EIF2AK4: variants seen among roughly 807,000 people sequenced by gnomAD.
The protein encoded by EIF2AK4 is eIF-2-alpha kinase GCN2.
In EIF2AK4, 139 loss-of-function variants were observed where a neutral mutation model predicts 211.1. The ratio of observed to expected loss-of-function variants is 0.66; its 90% CI spans 0.57 to 0.76. The LOEUF is 0.76. Ranked by LOEUF, EIF2AK4 falls within the 30% of genes least tolerant of loss-of-function variation. The pLI, the probability that EIF2AK4 is intolerant of heterozygous loss-of-function variation, is 0.00. For missense variants in EIF2AK4, 1,664 were observed against 2,043.8 expected (o/e 0.81, Z 3.58); for synonymous variants, 710 against 751.3 (o/e 0.94, Z 0.90).
chr15:39,934,549 C>T (rs1471822345), intron 1 of EIF2AK4, among the ~76,000 whole-genome samples: 1 of 152,212 alleles, frequency 6.6e-6, no homozygotes, highest in African/African-American at 2.4e-5. Flanking sequence ...GTCCTTTCCC[C>T]ATGATTTCCC....
chr15:39,976,722 G>T lies in EIF2AK4; in HGVS notation c.2127G>T (p.Val709=). ...CGCCACCCATCCTCAGCAGCTCGGT[G>T]GAGTGGAGCACTTCGGGCGAGCGCT... ...AAPPPILSSS[V]EWSTSGERSA... The change falls in exon 12 of 39, where the codon GTG becomes GTT. Residue 709 remains valine (V), a synonymous_variant. Coordinates refer to ENST00000263791, the MANE Select transcript of EIF2AK4 (RefSeq NM_001013703.4). The T allele has an allele frequency of 6.2e-7, 1 of 1,602,948 alleles. No individual in the cohort carries two copies.
chr15:39,977,299 C>T (rs118058246), intron 12 of EIF2AK4: 1 of 155,612 alleles, frequency 6.4e-6, no homozygotes, highest in Non-Finnish European at 1.4e-5. Flanking sequence ...AACTGTTCCA[C>T]CTTACATCAT....
At chr15:40,033,070 A>G (rs1044328608) in intron 37 of EIF2AK4, among the ~76,000 whole-genome samples, 3 of 152,230 alleles carry the variant, frequency 2.0e-5, no homozygotes, top group Non-Finnish European at 2.9e-5. Context: ...TGCTTTTACT[A>G]TGTGTCAGGG....
chr15:39,939,694 A>C (rs1595539512), intron 2 of EIF2AK4, 77 bp downstream of exon 2: 1 of 1,216,066 alleles, frequency 8.2e-7, no homozygotes, highest in East Asian at 2.5e-5. Flanking sequence ...TGAAATTCGT[A>C]GTATTTTCTC....
intron 12 of EIF2AK4, chr15:39,977,071 C>G: frequency 2.3e-6 from 1 of 442,084 alleles, no homozygotes; most frequent in Non-Finnish European, 3.9e-6. Context: ...CATTAATCCC[C>G]ACCAAGTCCA....
intron 27 of EIF2AK4, among the ~76,000 whole-genome samples, chr15:40,015,654 G>A (rs573779782): frequency 6.6e-6 from 1 of 152,118 alleles, no homozygotes; most frequent in African/African-American, 2.4e-5. Flanking sequence ...AACATTTTTT[G>A]GGTTTTTTAA....
chr15:39,993,194 G>A (rs12916445), intron 18 of EIF2AK4, among the ~76,000 whole-genome samples: 25 of 142,798 alleles, frequency 1.8e-4, no homozygotes, highest in South Asian at 1.7e-3. Context: ...TCGTCCATCC[G>A]TCCGTCCGTC....
chr15:39,981,810 CAG>C (rs547338701), intron 13 of EIF2AK4, among the ~76,000 whole-genome samples: 167 of 151,790 alleles, frequency 1.1e-3, no homozygotes, highest in Non-Finnish European at 1.5e-3. Flanking sequence ...TGGGGACAAA[CAG>C]AGTAATGGTA....
intron 23 of EIF2AK4, among the ~76,000 whole-genome samples, chr15:40,005,228 G>A (rs1434936385): frequency 6.6e-6 from 1 of 152,154 alleles, no homozygotes; most frequent in East Asian, 1.9e-4. Context: ...ATTTCTGAGG[G>A]ACAACTATAC....
intron 29 of EIF2AK4, among the ~76,000 whole-genome samples, chr15:40,017,737 G>A (rs547998011): frequency 2.0e-5 from 3 of 151,140 alleles, no homozygotes; most frequent in Admixed American, 6.6e-5. Context: ...AGTAGAGACA[G>A]GGTTTTGCCA....
Position 40,007,876 on chromosome 15 carries a change from T to C in EIF2AK4, c.3408-151T>C, listed in dbSNP as rs530972606. The C allele has an allele frequency of 3.3e-5, 18 of 553,388 alleles. No homozygotes were observed. The Admixed American group carries it at 4.8e-4, about 15-fold the overall frequency. The allele number at this position is 553,388 out of a possible 1,614,324, so 34.3% of individuals were successfully genotyped here. A position where few individuals can be genotyped will look rare whatever the true frequency, so the allele number is the denominator to read the frequency against. ...TGGAACCTAGATCACAAGGCAAGGC[T>C]GTTCCAGGTCAAATTTGTCTTTCAG... On this transcript the variant is annotated intron_variant, in intron 24 of 38. Coordinates refer to ENST00000263791, the MANE Select transcript of EIF2AK4 (RefSeq NM_001013703.4).
chr15:39,950,865 T>C (rs975059927), intron 4 of EIF2AK4, among the ~76,000 whole-genome samples: 1 of 152,190 alleles, frequency 6.6e-6, no homozygotes, highest in African/African-American at 2.4e-5. Context: ...ATCCAAATAC[T>C]GGCATTATCC....
intron 13 of EIF2AK4, among the ~76,000 whole-genome samples, chr15:39,981,624 T>C (rs542824555): frequency 3.7e-4 from 57 of 152,062 alleles, no homozygotes; most frequent in African/African-American, 1.3e-3. Context: ...TTTTTTTCTT[T>C]GATAAAGGAA....
In EIF2AK4 at chr15:39,955,906, A is replaced by G. The variant is rs1595546783; in HGVS notation, c.743+138A>G. On this transcript the variant is annotated intron_variant, in intron 6 of 38. Transcript: ENST00000263791. ...TTTCAAACCTTATATATCTTAATAT[A>G]TTAGCAATATATTAGGTGTATTTTT... The G allele has an allele frequency of 1.7e-5, 13 of 782,384 alleles. No individual in the cohort carries two copies. The South Asian group carries it at 4.1e-4, about 25-fold the overall frequency. The allele number at this position is 782,384 out of a possible 1,614,324, so 48.5% of individuals were successfully genotyped here. A position where few individuals can be genotyped will look rare whatever the true frequency, so the allele number is the denominator to read the frequency against.
At position 39,934,214 on chromosome 15, in the gene EIF2AK4, G is replaced by GC; in HGVS notation, c.24dup (p.Gly9ArgfsTer46). The GC allele has an allele frequency of 3.8e-6, 6 of 1,581,258 alleles. No individual in the cohort carries two copies. The highest frequency in any genetic ancestry group is 5.1e-6 in the Non-Finnish European group (6 of 1,165,116). On this transcript the variant is annotated frameshift_variant, in exon 1 of 39. Coordinates refer to ENST00000263791, the MANE Select transcript of EIF2AK4 (RefSeq NM_001013703.4). LOFTEE classifies it high-confidence loss of function. ...CGCTGCCATGGCTGGGGGCCGTGGG[G>GC]CCCCCGGGCGCGGCCGGGACGAGCC...
In EIF2AK4 at chr15:39,992,742, G is replaced by A. The variant is rs188265208; in HGVS notation, c.2687-27G>A. Reference sequence around the variant, plus strand: ...CTTCTGTAAGTGCTATTATTGGGACGTTTTCCCTCTGTTTTCCTCCACACA... The same window carrying A: ...CTTCTGTAAGTGCTATTATTGGGACATTTTCCCTCTGTTTTCCTCCACACA... On this transcript the variant is annotated intron_variant, in intron 17 of 38. Coordinates refer to ENST00000263791, the MANE Select transcript of EIF2AK4 (RefSeq NM_001013703.4). 18 of 1,605,190 alleles carry A rather than the reference G, an allele frequency of 1.1e-5. No homozygotes were observed. In the African/African-American group the frequency reaches 1.6e-4, roughly 14 times the overall value.
chr15:40,029,592 AC>A, intron 34 of EIF2AK4, 128 bp downstream of exon 34: 2 of 950,814 alleles, frequency 2.1e-6, no homozygotes, highest in South Asian at 3.7e-5. Flanking sequence ...AATAAATTGT[AC>A]CACATGGGAT....
intron 23 of EIF2AK4, 126 bp downstream of exon 23, chr15:40,003,440 A>C: frequency 2.1e-6 from 3 of 1,426,748 alleles, no homozygotes; most frequent in Non-Finnish European, 2.8e-6. Context: ...TGTATTCTTG[A>C]GGAAGTTGTC....
intron 11 of EIF2AK4, chr15:39,975,309 C>T (rs549334917): frequency 2.4e-4 from 34 of 141,122 alleles, no homozygotes; most frequent in Admixed American, 2.2e-3. Context: ...GTGTTCTTGT[C>T]ACTATTTCCA....
Sources: allele counts gnomAD v4.1 joint callset (sites outside exome capture counted in the v4.1 genomes callset), GRCh38; gene constraint gnomAD v4.1.1; transcripts MANE v1.5; gene names NCBI Gene and HGNC (gene_info 2026-07-23, HGNC 2026-07-21).